The following FBXO38 variants were observed in gnomAD, a reference collection of about 807,000 sequenced individuals.
The protein encoded by FBXO38 is F-box only protein 38.
FBXO38 carries 53 observed loss-of-function variants against 131.9 expected under a neutral mutation model. That is an observed-to-expected ratio of 0.40 (90% confidence interval 0.32 to 0.51). FBXO38 has a LOEUF of 0.51. FBXO38 is among the 20% of genes least tolerant of loss of function. FBXO38 has a pLI of 0.53. For missense variants in FBXO38, 1,076 were observed against 1,475.6 expected, an observed-to-expected ratio of 0.73 and a Z score of 4.44; for synonymous variants, 452 against 505.6, an observed-to-expected ratio of 0.89 and a Z score of 1.42.
chr5:148,399,473 C>T (rs964388610), intron 3 of FBXO38: 9 of 180,098 alleles, frequency 5.0e-5, no homozygotes, highest in African/African-American at 7.1e-5. Context: ...GCATGTTTTC[C>T]GGTGAATGGT....
chr5:148,396,198 G>A (rs1007190254), intron 2 of FBXO38, among the ~76,000 whole-genome samples: 1 of 151,592 alleles, frequency 6.6e-6, no homozygotes, highest in Admixed American at 6.6e-5. Context: ...TTTTTTTACA[G>A]AACAAAATGA....
chr5:148,394,658 TG>T (rs1758383192), intron 1 of FBXO38, 55 bp from the exon 2 acceptor site: 1 of 793,576 alleles, frequency 1.3e-6, no homozygotes, highest in African/African-American at 1.8e-5. Context: ...TTGTTTAACC[TG>T]GGTTTTAGTA....
intron 1 of FBXO38, among the ~76,000 whole-genome samples, chr5:148,394,232 A>T (rs1349130717): frequency 2.6e-5 from 4 of 152,144 alleles, no homozygotes; most frequent in Non-Finnish European, 5.9e-5. Context: ...TTAAAGATTG[A>T]TGCAAGTTTA....
intron 9 of FBXO38, among the ~76,000 whole-genome samples, chr5:148,411,196 C>T (rs1289008284): frequency 4.6e-5 from 7 of 152,032 alleles, no homozygotes; most frequent in African/African-American, 1.7e-4. Flanking sequence ...ATAATAAGCC[C>T]GCTGGGGGTT....
intron 3 of FBXO38, among the ~76,000 whole-genome samples, chr5:148,401,469 T>C (rs1752147488): frequency 6.6e-6 from 1 of 152,158 alleles, no homozygotes; most frequent in Non-Finnish European, 1.5e-5. Context: ...AGTATCAGAG[T>C]AATTATTAGA....
chr5:148,426,546 A>G (rs555783984), intron 14 of FBXO38, among the ~76,000 whole-genome samples: 3 of 152,244 alleles, frequency 2.0e-5, no homozygotes, highest in Non-Finnish European at 1.5e-5. Context: ...AGGAAAAGTA[A>G]TATGACCAGC....
At chr5:148,438,208 A>T in intron 17 of FBXO38, 124 bp from the exon 18 acceptor site, 1 of 798,570 alleles carries the variant, frequency 1.3e-6, no homozygotes, top group Non-Finnish European at 1.9e-6. Context: ...TGTGATTTGT[A>T]CTCTATGATA....
intron 18 of FBXO38, among the ~76,000 whole-genome samples, chr5:148,438,786 A>T (rs924883826): frequency 2.0e-5 from 3 of 152,274 alleles, no homozygotes; most frequent in Admixed American, 6.5e-5. Context: ...TCGATGTCTT[A>T]GTTTCTTCAT....
chr5:148,387,684 T>G (rs1347301080), intron 1 of FBXO38, among the ~76,000 whole-genome samples: 1 of 151,186 alleles, frequency 6.6e-6, no homozygotes, highest in East Asian at 2.0e-4. Flanking sequence ...CTTAGGGAAT[T>G]TATTTCTTTT....
chr5:148,436,158 C>CA (rs1754335862), intron 17 of FBXO38, among the ~76,000 whole-genome samples: 1 of 152,182 alleles, frequency 6.6e-6, no homozygotes, highest in African/African-American at 2.4e-5. Flanking sequence ...AGTAGATGCT[C>CA]AATTCATGGT....
intron 1 of FBXO38, among the ~76,000 whole-genome samples, chr5:148,387,690 C>CTTTTTT (rs142417126): frequency 7.1e-5 from 9 of 126,696 alleles, no homozygotes; most frequent in Admixed American, 1.6e-4. Flanking sequence ...GAATTTATTT[C>CTTTTTT]TTTTTTTTTT....
chr5:148,432,497 CCAT>C (rs1754092393), intron 15 of FBXO38, among the ~76,000 whole-genome samples: 2 of 152,272 alleles, frequency 1.3e-5, no homozygotes, highest in South Asian at 4.1e-4. Flanking sequence ...AGTTCTTGTA[CCAT>C]CCCATGCTTC....
At chr5:148,393,188 G>GGGGTGTGT (rs1420907423) in intron 1 of FBXO38, among the ~76,000 whole-genome samples, 173 of 127,080 alleles carry the variant, frequency 1.4e-3, no homozygotes, top group African/African-American at 4.1e-3. Flanking sequence ...ACAGAAGAGG[G>GGGGTGTGT]GTGTGTGTGT....
At chr5:148,441,686 G>T (rs925250466) in intron 21 of FBXO38, among the ~76,000 whole-genome samples, 5 of 152,090 alleles carry the variant, frequency 3.3e-5, no homozygotes, top group Non-Finnish European at 7.4e-5. Context: ...TTAACCAAAG[G>T]TTTTTTAAAA....
At position 148,398,993 on chromosome 5, in the gene FBXO38, A is replaced by C. The variant is rs1292986336; in HGVS notation, c.129-6A>C. The C allele has an allele frequency of 1.2e-6, 2 of 1,613,020 alleles. No homozygotes were observed. Among genetic ancestry groups the C allele is most frequent in the Admixed American group, 3.3e-5 (2 of 59,908 alleles). On this transcript the variant is annotated splice_polypyrimidine_tract_variant and splice_region_variant and intron_variant, in intron 2 of 21. Coordinates refer to ENST00000340253, the MANE Select transcript of FBXO38 (RefSeq NM_205836.3). ...TGATAAATACGAGTTTCTTTCTCTC[A>C]CAAAGGTACCTCCCTCTGCAGGATA... is the stretch of plus-strand genomic sequence containing the variant.
chr5:148,400,928 A>G (rs911326609), intron 3 of FBXO38, among the ~76,000 whole-genome samples: 1 of 152,182 alleles, frequency 6.6e-6, no homozygotes, highest in Non-Finnish European at 1.5e-5. Context: ...TCGTTCAGTC[A>G]TTAAAAGTTA....
In FBXO38 at chr5:148,417,184, A is replaced by G. The variant is rs750411492; in HGVS notation, c.1598A>G (p.Glu533Gly). Reference sequence around the variant, plus strand: ...TTTCGGCAAGATCTGCAGCCAGGAGAGCAGCAGTTTGCAGCTGACGGTAAC... The same window carrying G: ...TTTCGGCAAGATCTGCAGCCAGGAGGGCAGCAGTTTGCAGCTGACGGTAAC... ...NDFRQDLQPG[E>G]QQFAADALNE... The change falls in exon 12 of 22, where the codon GAG (glutamate) becomes GGG (glycine). Residue 533 changes from glutamate (E) to glycine (G), a missense_variant. This residue lies in a region of FBXO38 where 212 missense variants were observed against 221.2 expected (regional missense o/e 0.96). Transcript: ENST00000340253. 1 of 1,612,772 alleles carries G rather than the reference A, an allele frequency of 6.2e-7. No individual in the cohort carries two copies. The highest frequency in any genetic ancestry group is 1.1e-5 in the South Asian group (1 of 91,058).
At chr5:148,418,178 A>G (rs977286226) in intron 12 of FBXO38, among the ~76,000 whole-genome samples, 22 of 152,104 alleles carry the variant, frequency 1.4e-4, no homozygotes, top group African/African-American at 3.4e-4. Context: ...CTAATTTGAC[A>G]TCTCAGCAGC....
chr5:148,416,757 G>T, intron 11 of FBXO38: 1 of 490,502 alleles, frequency 2.0e-6, no homozygotes. Flanking sequence ...TGTGCTGTTG[G>T]GCAGATCTCT....
Sources: allele counts gnomAD v4.1 joint callset (sites outside exome capture counted in the v4.1 genomes callset), GRCh38; gene constraint gnomAD v4.1.1; regional missense constraint gnomAD v4.1.1; transcripts MANE v1.5; gene names NCBI Gene and HGNC (gene_info 2026-07-23, HGNC 2026-07-21).